Variants in GLB1 observed in about 807,000 individuals in gnomAD.
GLB1 encodes beta-galactosidase.
In GLB1, 56 loss-of-function variants were observed where a neutral mutation model predicts 74.0. The ratio of observed to expected loss-of-function variants is 0.76; its 90% CI spans 0.61 to 0.94. The LOEUF (loss-of-function observed/expected upper bound fraction) is 0.94. GLB1 is among the 40% of genes least tolerant of loss of function. The pLI, the probability that GLB1 is intolerant of heterozygous loss-of-function variation, is 0.00. For synonymous variants in GLB1, 323 were observed against 323.6 expected (o/e 1.00, Z 0.02); for missense variants, 787 against 845.5 (o/e 0.93, Z 0.86).
At chr3:32,975,726 G>A in the GLB1 span, among the ~76,000 whole-genome samples, 1 of 152,192 alleles carries the variant, frequency 6.6e-6, no homozygotes, top group Non-Finnish European at 1.5e-5. Context: ...TTCTAAAACA[G>A]TGAACAAGAT....
downstream of GLB1, among the ~76,000 whole-genome samples, chr3:32,995,110 A>G (rs888056884): frequency 6.6e-5 from 10 of 152,070 alleles, no homozygotes; most frequent in African/African-American, 1.7e-4. Flanking sequence ...AATATTTTCA[A>G]TTGTAAAATG....
the GLB1 span, among the ~76,000 whole-genome samples, chr3:32,974,113 C>G: frequency 6.6e-6 from 1 of 152,208 alleles, no homozygotes; most frequent in African/African-American, 2.4e-5. Flanking sequence ...GAAGCAACCC[C>G]TAAGCTCCCT....
intron 10 of GLB1, among the ~76,000 whole-genome samples, chr3:33,025,944 G>A (rs1697729822): frequency 6.6e-6 from 1 of 152,340 alleles, no homozygotes; most frequent in Admixed American, 6.5e-5. Context: ...GGGTGCAGCA[G>A]GAAGGAGGTG....
Position 33,016,819 on chromosome 3 carries a change from G to C in GLB1, c.1369C>G (p.Arg457Gly). ...ATGTTCAGAGTGATCACATTGTTTC[G>C]CTCAAGGACTCCCTGGGGGATCTGT... Reference protein sequence around the residue: ...VDGIPQGVLERNNVITLNITG... With the variant: ...VDGIPQGVLEGNNVITLNITG... Residue 457 changes from arginine (R) to glycine (G), a missense_variant, in exon 14 of 16, where the codon CGA (arginine) becomes GGA (glycine). Coordinates refer to ENST00000307363, the MANE Select transcript of GLB1 (RefSeq NM_000404.4). The C allele has an allele frequency of 6.2e-7, 1 of 1,614,028 alleles. No individual in the cohort carries two copies. The highest frequency in any genetic ancestry group is 8.5e-7 in the Non-Finnish European group (1 of 1,179,942).
rs80308238 is a variant in GLB1, at chr3:33,040,284, G to A, written c.1068+5836C>T. On this transcript the variant is annotated intron_variant, in intron 10 of 15. Transcript: ENST00000307363. Reference sequence around the variant, plus strand: ...TCAATTTAAGATTTTAATTTAAGGCGTAATGTTCCCTGGTACCTGCCAGAA... The same window carrying A: ...TCAATTTAAGATTTTAATTTAAGGCATAATGTTCCCTGGTACCTGCCAGAA... Among the ~76,000 whole-genome samples the A allele has an allele frequency of 1.2e-3, 188 of 152,214 alleles. 1 individual carries two copies. The highest frequency in any genetic ancestry group is 3.5e-3 in the African/African-American group (145 of 41,528).
chr3:33,045,706 A>C, intron 10 of GLB1: 2 of 1,079,114 alleles, frequency 1.9e-6, no homozygotes, highest in Non-Finnish European at 2.3e-6. Flanking sequence ...TGCTGCCTTA[A>C]TAGGGGCTAT....
chr3:33,068,839 A>G lies in GLB1; in HGVS notation c.377T>C (p.Ile126Thr), dbSNP rs1301959703. The part of the protein sequence containing the change: ...LLVILRPGPY[I>T]CAEWEMGGLP... Reference sequence around the variant, plus strand: ...ACTCACCATTTCCCACTCTGCACAGATGTAGGGCCCGGGCCTCAGGATAAC... The same window carrying G: ...ACTCACCATTTCCCACTCTGCACAGGTGTAGGGCCCGGGCCTCAGGATAAC... The change falls in exon 3 of 16, where the codon ATC (isoleucine) becomes ACC (threonine). Residue 126 changes from isoleucine (I) to threonine (T), a missense_variant. Transcript: ENST00000307363. 3 of 1,613,936 alleles carry G rather than the reference A, an allele frequency of 1.9e-6. No individual in the cohort carries two copies. The highest frequency in any genetic ancestry group is 1.3e-5 in the African/African-American group (1 of 74,902).
At chr3:33,064,312 C>T (rs1286361502) in intron 5 of GLB1, among the ~76,000 whole-genome samples, 4 of 151,306 alleles carry the variant, frequency 2.6e-5, no homozygotes, top group Non-Finnish European at 4.4e-5. Flanking sequence ...TCGTGGTGCA[C>T]GCCTGTAATG....
intron 1 of GLB1, among the ~76,000 whole-genome samples, chr3:33,081,484 A>C (rs1200530516): frequency 6.6e-6 from 1 of 152,146 alleles, no homozygotes; most frequent in African/African-American, 2.4e-5. Context: ...AGAGGTGGGA[A>C]TGTAAAAAGG....
intron 15 of GLB1, among the ~76,000 whole-genome samples, chr3:33,000,744 C>T (rs1696525695): frequency 6.6e-6 from 1 of 152,048 alleles, no homozygotes; most frequent in Non-Finnish European, 1.5e-5. Flanking sequence ...AACAACAAAA[C>T]AAACAGAAAA....
chr3:33,053,266 A>G (rs757273159), intron 7 of GLB1, among the ~76,000 whole-genome samples: 4 of 152,164 alleles, frequency 2.6e-5, no homozygotes, highest in Non-Finnish European at 4.4e-5. Flanking sequence ...GTAACAGGCC[A>G]TTCATGTTGG....
At chr3:33,045,728 G>A (rs1039552785) in intron 10 of GLB1, 1 of 1,137,596 alleles carries the variant, frequency 8.8e-7, no homozygotes, top group East Asian at 6.1e-5. Flanking sequence ...GTCTCAAGAG[G>A]ATCTGTGCAT....
intron 10 of GLB1, among the ~76,000 whole-genome samples, chr3:33,042,370 C>CTTTTTTTTTTTTTT (rs66685286): frequency 2.0e-5 from 2 of 99,234 alleles, no homozygotes; most frequent in Admixed American, 1.3e-4. Context: ...TCATCTCCTC[C>CTTTTTTTTTTTTTT]TTTTTTTTTT....
chr3:32,978,407 C>T, the GLB1 span, among the ~76,000 whole-genome samples: 1 of 152,178 alleles, frequency 6.6e-6, no homozygotes, highest in African/African-American at 2.4e-5. Context: ...AAACAAATTT[C>T]CTGTTTCAAT....
chr3:33,027,718 G>T (rs1697831227), intron 10 of GLB1, among the ~76,000 whole-genome samples: 1 of 152,118 alleles, frequency 6.6e-6, no homozygotes, highest in African/African-American at 2.4e-5. Context: ...AGAGGCGGAG[G>T]TTGCAGTGAG....
intron 1 of GLB1, among the ~76,000 whole-genome samples, chr3:33,079,099 G>A (rs1468564682): frequency 1.3e-5 from 2 of 152,166 alleles, no homozygotes; most frequent in Non-Finnish European, 2.9e-5. Flanking sequence ...CATACTGCAT[G>A]AACCTATTTA....
intron 10 of GLB1, among the ~76,000 whole-genome samples, chr3:33,036,810 A>T (rs927145957): frequency 5.1e-4 from 78 of 152,218 alleles, no homozygotes; most frequent in African/African-American, 1.8e-3. Flanking sequence ...AAATATCTAG[A>T]ATAGGCAAAT....
chr3:33,087,677 A>G (rs1700577965), intron 1 of GLB1, among the ~76,000 whole-genome samples: 2 of 152,114 alleles, frequency 1.3e-5, no homozygotes, highest in African/African-American at 2.4e-5. Flanking sequence ...GAATTCTACC[A>G]AACATTTAAA....
At chr3:33,048,351 T>C (rs1698827686) in intron 9 of GLB1, among the ~76,000 whole-genome samples, 1 of 152,244 alleles carries the variant, frequency 6.6e-6, no homozygotes, top group Non-Finnish European at 1.5e-5. Context: ...ATGGTGCAGA[T>C]TCAAGCCTCC....
Sources: allele counts gnomAD v4.1 joint callset (sites outside exome capture counted in the v4.1 genomes callset), GRCh38; gene constraint gnomAD v4.1.1; transcripts MANE v1.5; gene names NCBI Gene and HGNC (gene_info 2026-07-23, HGNC 2026-07-21).